NAV3: variants seen among roughly 807,000 people sequenced by gnomAD.
The protein encoded by NAV3 is neuron navigator 3, also known as pore membrane and/or filament interacting like protein 1.
NAV3 carries 87 observed loss-of-function variants against 244.7 expected under a neutral mutation model. The observed-to-expected ratio is 0.36, with a 90% CI of 0.30 to 0.42. The LOEUF is 0.42. Among genes scored for constraint, NAV3 ranks in the 20% least tolerant of loss-of-function variants. The probability of loss-of-function intolerance (pLI) is 1.00; values close to 1 mark genes in which losing one functional copy is unlikely to be tolerated. For synonymous variants in NAV3, 1,126 were observed against 1,042.2 expected (o/e 1.08, Z -1.55); for missense variants, 2,663 against 2,893.3 (o/e 0.92, Z 1.83).
chr12:77,981,070 A>G (rs1869473873), intron 5 of NAV3, among the ~76,000 whole-genome samples: 4 of 152,176 alleles, frequency 2.6e-5, no homozygotes, highest in Admixed American at 2.0e-4. Flanking sequence ...TGCAATTCAG[A>G]TGATATTTCA....
At chr12:78,024,924 G>T (rs1487017547) in intron 9 of NAV3, among the ~76,000 whole-genome samples, 1 of 151,396 alleles carries the variant, frequency 6.6e-6, no homozygotes, top group Non-Finnish European at 1.5e-5. Context: ...GCAGTGAGCC[G>T]AGATAGCGCC....
chr12:78,119,732 G>A lies in NAV3; in HGVS notation c.3536G>A (p.Arg1179Lys). 6.2e-7 allele frequency: 1 copy of A among 1,614,060 alleles called. No homozygotes were observed. The highest frequency in any genetic ancestry group is 8.5e-7 in the Non-Finnish European group (1 of 1,180,018). Residue 1179 changes from arginine to lysine, a missense_variant, in exon 15 of 40, where the codon AGA (arginine) becomes AAA (lysine). Transcript: ENST00000397909. The stretch of plus-strand genomic sequence containing the variant: ...GCTGGGGCCACCACCTCGAAACTGA[G>A]AGAACCAACTAAAATTGGGTCAGGG... ...KSAGATTSKL[R>K]EPTKIGSGRS...
At chr12:77,841,771 G>T (rs942365791) in intron 1 of NAV3, among the ~76,000 whole-genome samples, 2 of 152,040 alleles carry the variant, frequency 1.3e-5, no homozygotes, top group Admixed American at 6.6e-5. Context: ...CATATATATG[G>T]TAACAAAGAA....
chr12:78,061,242 A>T (rs1328684740), intron 12 of NAV3, among the ~76,000 whole-genome samples: 1 of 152,234 alleles, frequency 6.6e-6, no homozygotes, highest in Non-Finnish European at 1.5e-5. Context: ...TTGAACAAAT[A>T]GATGCCAGGC....
At chr12:77,795,166 A>G (rs1003658875) in intron 2 of NAV3, among the ~76,000 whole-genome samples, 14 of 152,212 alleles carry the variant, frequency 9.2e-5, no homozygotes, top group African/African-American at 3.1e-4. Flanking sequence ...TTAAGTAGCA[A>G]TTAAAAATGC....
chr12:77,881,878 C>T (rs1300193894), intron 1 of NAV3, among the ~76,000 whole-genome samples: 8 of 151,866 alleles, frequency 5.3e-5, no homozygotes, highest in Admixed American at 2.0e-4. Flanking sequence ...AGGTGGTGAA[C>T]GACTTCTACA....
chr12:77,707,177 T>C (rs1875859427), intron 2 of NAV3, among the ~76,000 whole-genome samples: 1 of 151,654 alleles, frequency 6.6e-6, no homozygotes, highest in South Asian at 2.1e-4. Context: ...TCATTTACAT[T>C]AGGTACATCT....
At chr12:78,021,970 G>A in intron 9 of NAV3, 108 bp downstream of exon 9, 1 of 564,706 alleles carries the variant, frequency 1.8e-6, no homozygotes, top group Non-Finnish European at 3.1e-6. Context: ...GTGCAAAAAT[G>A]GACTATATAC....
intron 24 of NAV3, among the ~76,000 whole-genome samples, chr12:78,170,209 G>A (rs548767888): frequency 7.2e-5 from 11 of 151,774 alleles, no homozygotes; most frequent in Non-Finnish European, 1.5e-4. Context: ...ATTTGCACTT[G>A]TCTTCTGTCT....
At chr12:78,000,927 A>G (rs952119165) in intron 7 of NAV3, among the ~76,000 whole-genome samples, 34 of 150,328 alleles carry the variant, frequency 2.3e-4, no homozygotes, top group Non-Finnish European at 4.1e-4. Flanking sequence ...GCAGTGAGCC[A>G]AGATCGCGCC....
At chr12:77,713,067 G>C (rs917319785) in intron 2 of NAV3, among the ~76,000 whole-genome samples, 1 of 152,104 alleles carries the variant, frequency 6.6e-6, no homozygotes, top group Non-Finnish European at 1.5e-5. Context: ...GCATAACTCA[G>C]TTTCTACCAA....
chr12:78,137,485 T>C, intron 19 of NAV3, 120 bp downstream of exon 19: 1 of 1,016,826 alleles, frequency 9.8e-7, no homozygotes, highest in Non-Finnish European at 1.4e-6. Context: ...TAATTATCAT[T>C]TGGGAAACTA....
chr12:77,884,312 G>A (rs570523139), intron 1 of NAV3, among the ~76,000 whole-genome samples: 8 of 152,152 alleles, frequency 5.3e-5, no homozygotes, highest in Admixed American at 4.6e-4. Flanking sequence ...GAAAAGAGGG[G>A]ATATATCCTG....
intron 1 of NAV3, among the ~76,000 whole-genome samples, chr12:77,914,519 A>C (rs964490985): frequency 6.6e-6 from 1 of 152,080 alleles, no homozygotes; most frequent in African/African-American, 2.4e-5. Flanking sequence ...GAAGGGCAAC[A>C]TTTTGTTTTG....
At chr12:77,720,204 AT>A (rs1170358312) in intron 2 of NAV3, among the ~76,000 whole-genome samples, 6 of 150,412 alleles carry the variant, frequency 4.0e-5, no homozygotes, top group African/African-American at 1.2e-4. Flanking sequence ...TGGTTTATCA[AT>A]TTTTTTTCTT....
chr12:78,139,515 A>G (rs1427463551), intron 19 of NAV3, among the ~76,000 whole-genome samples: 1 of 152,206 alleles, frequency 6.6e-6, no homozygotes, highest in Non-Finnish European at 1.5e-5. Flanking sequence ...TTAATGCACA[A>G]TGAGCAGAAA....
intron 2 of NAV3, among the ~76,000 whole-genome samples, chr12:77,710,371 T>TTGG (rs1876048446): frequency 1.3e-5 from 2 of 152,302 alleles, no homozygotes; most frequent in African/African-American, 4.8e-5. Context: ...TGTGTGGAGC[T>TTGG]CTTCCAGATA....
chr12:77,639,745 T>G (rs1397825134), intron 2 of NAV3, among the ~76,000 whole-genome samples: 2 of 152,092 alleles, frequency 1.3e-5, no homozygotes, highest in Non-Finnish European at 2.9e-5. Flanking sequence ...GAGACAGACA[T>G]TAGGTGCCTG....
intron 1 of NAV3, among the ~76,000 whole-genome samples, chr12:77,925,752 A>G (rs1479024): frequency 0.35 from 52,580 of 151,982 alleles, 9,513 homozygotes; most frequent in East Asian, 0.43. Flanking sequence ...CTGGAGAGAC[A>G]CCAACTGCAG....
Sources: gnomAD v4.1 joint callset for allele counts (sites outside exome capture counted in the v4.1 genomes callset) on GRCh38, gnomAD v4.1.1 for gene constraint, MANE v1.5 for transcripts, NCBI Gene and HGNC (gene_info 2026-07-23, HGNC 2026-07-21) for gene names.